The following ITSN2 variants were observed in gnomAD, a reference collection of about 807,000 sequenced individuals.
ITSN2 encodes the protein intersectin-2.
A neutral mutation model predicts 243.7 loss-of-function variants in ITSN2; 156 were observed. The ratio of observed to expected loss-of-function variants is 0.64; its 90% CI spans 0.56 to 0.73. The LOEUF (loss-of-function observed/expected upper bound fraction) is 0.73. ITSN2 is among the 30% of genes least tolerant of loss of function. ITSN2 has a pLI of 0.00. For missense variants in ITSN2, 1,801 were observed against 1,996.1 expected (o/e 0.90, Z 1.86); for synonymous variants, 703 against 699.9 (o/e 1.00, Z -0.07).
intron 36 of ITSN2, 95 bp from the exon 37 acceptor site, chr2:24,208,414 TAACC>T: frequency 2.2e-6 from 2 of 893,996 alleles, no homozygotes; most frequent in Non-Finnish European, 3.6e-6. Context: ...AGTCTTTTGC[TAACC>T]TCAACTTTCA....
At chr2:24,297,491 T>C (rs968885541) in intron 13 of ITSN2, among the ~76,000 whole-genome samples, 7 of 152,316 alleles carry the variant, frequency 4.6e-5, no homozygotes, top group Non-Finnish European at 5.9e-5. Flanking sequence ...GAACTGGAAC[T>C]GTAAGAGATC....
chr2:24,269,225 C>T (rs1677061977), intron 20 of ITSN2, among the ~76,000 whole-genome samples: 1 of 152,166 alleles, frequency 6.6e-6, no homozygotes, highest in South Asian at 2.1e-4. Flanking sequence ...AACACCATCA[C>T]ATCACACTGG....
At position 24,303,855 on chromosome 2, in the gene ITSN2, T is replaced by C; in HGVS notation, c.801A>G (p.Gln267=). Residue 267 remains glutamine, a synonymous_variant, in exon 9 of 40, where the codon CAA becomes CAG. Coordinates refer to ENST00000355123, the MANE Select transcript of ITSN2 (RefSeq NM_006277.3). The part of the protein sequence containing the change: ...KSMSGYLSGF[Q]ARNALLQSNL... ...TTGACTGAAGAAGGGCATTTCTAGC[T>C]TGAAAACCTGATTAAGTGGGGAAAA... 6.2e-7 allele frequency: 1 copy of C among 1,605,996 alleles called. No homozygotes were observed. The highest frequency in any genetic ancestry group is 8.5e-7 in the Non-Finnish European group (1 of 1,172,630).
At chr2:24,280,176 C>G (rs1678583991) in intron 17 of ITSN2, among the ~76,000 whole-genome samples, 1 of 152,172 alleles carries the variant, frequency 6.6e-6, no homozygotes, top group African/African-American at 2.4e-5. Flanking sequence ...TAAAACATAA[C>G]ATTCTAAATT....
chr2:24,330,573 G>A, intron 1 of ITSN2: 1 of 844,294 alleles, frequency 1.2e-6, no homozygotes, highest in Non-Finnish European at 2.0e-6. Flanking sequence ...AGGGAAAAAG[G>A]GAAAAGCTTA....
intron 29 of ITSN2, among the ~76,000 whole-genome samples, chr2:24,243,986 T>C (rs1673046445): frequency 6.6e-6 from 1 of 152,246 alleles, no homozygotes; most frequent in Non-Finnish European, 1.5e-5. Flanking sequence ...CATAAAATTC[T>C]ACTGGATAGT....
chr2:24,317,118 C>T (rs560417317), intron 2 of ITSN2, among the ~76,000 whole-genome samples: 188 of 152,338 alleles, frequency 1.2e-3, no homozygotes, highest in African/African-American at 4.3e-3. Context: ...CGGTGGCTCA[C>T]GCCTGTAATC....
chr2:24,294,400 T>C (rs1680673526), intron 14 of ITSN2, among the ~76,000 whole-genome samples: 1 of 152,174 alleles, frequency 6.6e-6, no homozygotes, highest in African/African-American at 2.4e-5. Context: ...CACTCCAGCC[T>C]GGGTGACAGA....
At chr2:24,323,489 T>C (rs1684814265) in intron 2 of ITSN2, among the ~76,000 whole-genome samples, 1 of 152,218 alleles carries the variant, frequency 6.6e-6, no homozygotes, top group Non-Finnish European at 1.5e-5. Flanking sequence ...GGCTACATAT[T>C]GTGTATTCCA....
At chr2:24,276,642 T>G (rs1678045754) in intron 17 of ITSN2, among the ~76,000 whole-genome samples, 1 of 152,158 alleles carries the variant, frequency 6.6e-6, no homozygotes, top group African/African-American at 2.4e-5. Flanking sequence ...CTTTCCACCT[T>G]CCTCCCAACA....
intron 17 of ITSN2, among the ~76,000 whole-genome samples, chr2:24,276,448 T>G (rs1037466470): frequency 6.6e-6 from 1 of 152,124 alleles, no homozygotes; most frequent in Admixed American, 6.6e-5. Context: ...TCCAAGAGGA[T>G]CCAATACAAG....
At chr2:24,283,352 G>C (rs1052289835) in intron 17 of ITSN2, among the ~76,000 whole-genome samples, 1 of 152,058 alleles carries the variant, frequency 6.6e-6, no homozygotes, top group Non-Finnish European at 1.5e-5. Flanking sequence ...AGCTTCCTGA[G>C]TAGCTGGGAT....
intron 17 of ITSN2, among the ~76,000 whole-genome samples, chr2:24,278,512 G>A (rs1656890826): frequency 6.6e-6 from 1 of 152,090 alleles, no homozygotes; most frequent in African/African-American, 2.4e-5. Context: ...TTTGACTATG[G>A]TGATGTAAAA....
chr2:24,280,808 T>C (rs935693448), intron 17 of ITSN2, among the ~76,000 whole-genome samples: 1 of 152,176 alleles, frequency 6.6e-6, no homozygotes, highest in Non-Finnish European at 1.5e-5. Flanking sequence ...CTCTAAGTCT[T>C]TGACATCCAC....
chr2:24,347,778 A>G (rs1021548568), intron 1 of ITSN2, among the ~76,000 whole-genome samples: 2 of 152,152 alleles, frequency 1.3e-5, no homozygotes, highest in Admixed American at 1.3e-4. Context: ...TTAAACAATT[A>G]AAAACAGATA....
chr2:24,316,121 G>A (rs1365837715), intron 2 of ITSN2, among the ~76,000 whole-genome samples: 1 of 152,118 alleles, frequency 6.6e-6, no homozygotes, highest in Admixed American at 6.6e-5. Flanking sequence ...TGTGCAAGGT[G>A]CTGTTAAGTG....
At chr2:24,302,712 T>C (rs1049423595) in intron 9 of ITSN2, among the ~76,000 whole-genome samples, 7 of 152,222 alleles carry the variant, frequency 4.6e-5, no homozygotes, top group Admixed American at 4.6e-4. Flanking sequence ...CTACCCCTTC[T>C]GAGAAAGTGG....
intron 15 of ITSN2, among the ~76,000 whole-genome samples, chr2:24,290,709 T>C (rs1680139594): frequency 6.6e-6 from 1 of 152,192 alleles, no homozygotes; most frequent in Non-Finnish European, 1.5e-5. Flanking sequence ...TCAAATCACT[T>C]ACTGAAAGCC....
At chr2:24,279,900 T>C (rs1316899847) in intron 17 of ITSN2, among the ~76,000 whole-genome samples, 1 of 151,636 alleles carries the variant, frequency 6.6e-6, no homozygotes, top group Non-Finnish European at 1.5e-5. Flanking sequence ...GCCCGGCTAA[T>C]TTTTTGTATT....
Sources: gnomAD v4.1 joint callset for allele counts (sites outside exome capture counted in the v4.1 genomes callset) on GRCh38, gnomAD v4.1.1 for gene constraint, MANE v1.5 for transcripts, NCBI Gene and HGNC (gene_info 2026-07-23, HGNC 2026-07-21) for gene names.